The following KCNIP1 variants were observed in gnomAD, a reference collection of about 807,000 sequenced individuals.
The protein encoded by KCNIP1 is potassium voltage-gated channel interacting protein 1, also known as A-type potassium channel modulatory protein KCNIP1.
KCNIP1 carries 18 observed loss-of-function variants against 33.0 expected under a neutral mutation model. The observed-to-expected ratio is 0.55, with a 90% CI of 0.38 to 0.81. The LOEUF is 0.81. Among genes scored for constraint, KCNIP1 ranks in the 30% least tolerant of loss-of-function variants. The probability of loss-of-function intolerance (pLI) is 0.00; values close to 1 mark genes in which losing one functional copy is unlikely to be tolerated. For missense variants in KCNIP1, 238 were observed against 271.6 expected, an observed-to-expected ratio of 0.88 and a Z score of 0.87; for synonymous variants, 93 against 98.3, an observed-to-expected ratio of 0.95 and a Z score of 0.32.
chr5:170,629,780 A>G (rs1351660459), intron 1 of KCNIP1, among the ~76,000 whole-genome samples: 1 of 152,192 alleles, frequency 6.6e-6, no homozygotes, highest in Admixed American at 6.5e-5. Flanking sequence ...AAGGGCACCA[A>G]ATGCATGCCC....
At chr5:170,558,937 G>A (rs1561686380) in intron 1 of KCNIP1, among the ~76,000 whole-genome samples, 1 of 152,126 alleles carries the variant, frequency 6.6e-6, no homozygotes, top group Non-Finnish European at 1.5e-5. Context: ...ACCTCCCAGG[G>A]CCTCAGTTTC....
At chr5:170,390,046 C>T (rs1050836142) in intron 1 of KCNIP1, among the ~76,000 whole-genome samples, 2 of 152,162 alleles carry the variant, frequency 1.3e-5, no homozygotes, top group African/African-American at 4.8e-5. Flanking sequence ...CAACTGCTTC[C>T]AACCAGGTCC....
At chr5:170,530,946 G>A (rs144802260) in intron 1 of KCNIP1, among the ~76,000 whole-genome samples, 1 of 152,324 alleles carries the variant, frequency 6.6e-6, no homozygotes, top group Non-Finnish European at 1.5e-5. Flanking sequence ...CTCAAACATT[G>A]TTCTAGCTGG....
Position 170,682,224 on chromosome 5 carries a change from C to T in KCNIP1, c.62-36534C>T, listed in dbSNP as rs545710826. Among the ~76,000 whole-genome samples the T allele has an allele frequency of 2.6e-5, 4 of 152,288 alleles. No homozygotes were observed. In the South Asian group the frequency reaches 8.3e-4, roughly 32 times the overall value. Reference sequence around the variant, plus strand: ...TCCACTTTCTATCCATAATCTGTCTCGGTTTAATGTTGGTCAAGTCATTTT... The same window carrying T: ...TCCACTTTCTATCCATAATCTGTCTTGGTTTAATGTTGGTCAAGTCATTTT... On this transcript the variant is annotated intron_variant, in intron 1 of 7. Coordinates refer to ENST00000328939, the MANE Select transcript of KCNIP1 (RefSeq NM_014592.4).
upstream of KCNIP1, among the ~76,000 whole-genome samples, chr5:170,503,798 T>C (rs1754571488): frequency 6.9e-6 from 1 of 144,700 alleles, no homozygotes. Flanking sequence ...GCCAATCTAC[T>C]GCCCCCTGAA....
chr5:170,550,456 A>G (rs533874126), intron 1 of KCNIP1, among the ~76,000 whole-genome samples: 9 of 152,112 alleles, frequency 5.9e-5, no homozygotes, highest in Non-Finnish European at 7.4e-5. Flanking sequence ...GATGATGGCA[A>G]TGATGATGAT....
At chr5:170,675,170 G>A (rs1440054738) in intron 1 of KCNIP1, among the ~76,000 whole-genome samples, 1 of 151,836 alleles carries the variant, frequency 6.6e-6, no homozygotes, top group East Asian at 1.9e-4. Context: ...CTTGCTGCCT[G>A]CACCTGTAAT....
rs137872447 is a variant in KCNIP1 at position 170,541,860 on chromosome 5, A to G, written c.61+37227A>G. On this transcript the variant is annotated intron_variant, in intron 1 of 7. Transcript: ENST00000328939. ...CATCTACAAAAATGCGATAACACCT[A>G]CCTAGCAGAGTTCTTAGGAGATCCA... 6.6e-5 allele frequency among the ~76,000 whole-genome samples: 10 copies of G among 152,278 alleles called. 1 individual carries two copies. Among genetic ancestry groups the G allele is most frequent in the African/African-American group, 2.4e-4 (10 of 41,552 alleles).
chr5:170,400,610 C>T lies in KCNIP1; in HGVS notation c.88+46646C>T, dbSNP rs79003452. Among the ~76,000 whole-genome samples, 153 of 152,336 alleles carry T rather than the reference C, an allele frequency of 1.0e-3. 2 individuals are homozygous for T. In the East Asian group the frequency reaches 0.026, roughly 26 times the overall value. ...CTCAATTACTGATCACCAACATGTG[C>T]CAAGAACTGTGCTAAGTACTTGAAC... On this transcript the variant is annotated intron_variant, in intron 1 of 7. Transcript: ENST00000377360.
chr5:170,586,139 A>G (rs1000889323), intron 1 of KCNIP1, among the ~76,000 whole-genome samples: 1 of 152,352 alleles, frequency 6.6e-6, no homozygotes, highest in African/African-American at 2.4e-5. Flanking sequence ...CAATGTGATT[A>G]TGAGTGTAAA....
At chr5:170,695,145 T>A (rs1334222932) in intron 1 of KCNIP1, among the ~76,000 whole-genome samples, 1 of 152,068 alleles carries the variant, frequency 6.6e-6, no homozygotes, top group Non-Finnish European at 1.5e-5. Flanking sequence ...CACCTCCCGA[T>A]CCCCTTCTCT....
At chr5:170,458,492 C>G (rs895969447) in intron 1 of KCNIP1, among the ~76,000 whole-genome samples, 1 of 149,958 alleles carries the variant, frequency 6.7e-6, no homozygotes, top group East Asian at 2.0e-4. Context: ...AGATTAACAG[C>G]AGATTTCTCA....
At position 170,420,115 on chromosome 5, in the gene KCNIP1, T is replaced by C. The variant is rs1192620794; in HGVS notation, c.88+66151T>C. ...GAAAAAGGAACCAGGTAAAATCCAT[T>C]TTAATATGATATTTTATTTAACCCA... On this transcript the variant is annotated intron_variant, in intron 1 of 7. Coordinates refer to the KCNIP1 transcript ENST00000377360. 3.3e-5 allele frequency among the ~76,000 whole-genome samples: 5 copies of C among 152,296 alleles called. No individual in the cohort carries two copies. In the East Asian group the frequency reaches 9.6e-4, roughly 29 times the overall value.
At chr5:170,574,107 G>A (rs925521978) in intron 1 of KCNIP1, among the ~76,000 whole-genome samples, 9 of 152,168 alleles carry the variant, frequency 5.9e-5, no homozygotes, top group Non-Finnish European at 1.3e-4. Context: ...TAAAAATAGA[G>A]GAGGACTCAG....
At chr5:170,493,303 C>G (rs777952422) in intron 1 of KCNIP1, among the ~76,000 whole-genome samples, 3 of 152,184 alleles carry the variant, frequency 2.0e-5, no homozygotes, top group Non-Finnish European at 4.4e-5. Context: ...GCCCTTCTTC[C>G]TGGAGTAGTA....
At chr5:170,492,418 C>T (rs1021351727) in intron 1 of KCNIP1, among the ~76,000 whole-genome samples, 4 of 152,350 alleles carry the variant, frequency 2.6e-5, no homozygotes, top group South Asian at 4.1e-4. Context: ...CACTTGGACG[C>T]GTTCTCCAAC....
At chr5:170,431,429 G>C (rs1755738038) in intron 1 of KCNIP1, among the ~76,000 whole-genome samples, 1 of 152,220 alleles carries the variant, frequency 6.6e-6, no homozygotes, top group South Asian at 2.1e-4. Flanking sequence ...CCTTATGTGA[G>C]AATCTGGGGG....
intron 1 of KCNIP1, among the ~76,000 whole-genome samples, chr5:170,629,132 GCAT>G (rs1324005126): frequency 6.6e-6 from 1 of 152,122 alleles, no homozygotes. Context: ...CCTGACATAC[GCAT>G]CGATCTCATG....
rs372760628 is a variant in KCNIP1, at chr5:170,517,709, GGTA to G, written c.61+13082_61+13084del. On this transcript the variant is annotated intron_variant, in intron 1 of 7. Transcript: ENST00000328939. Reference sequence around the variant, plus strand: ...CGGTGGTGATGATGGTGATGGTGATGGTAGTAGTGATGGTGGTGATTATGGAGG... The same window carrying G: ...CGGTGGTGATGATGGTGATGGTGATGGTAGTGATGGTGGTGATTATGGAGG... 9.1e-4 allele frequency among the ~76,000 whole-genome samples: 138 copies of G among 151,698 alleles called. 2 individuals are homozygous for G. Among genetic ancestry groups the G allele is most frequent in the African/African-American group, 2.9e-3 (118 of 41,320 alleles).
Sources: gnomAD v4.1 joint callset for allele counts (sites outside exome capture counted in the v4.1 genomes callset) on GRCh38, gnomAD v4.1.1 for gene constraint, MANE v1.5 for transcripts, NCBI Gene and HGNC (gene_info 2026-07-23, HGNC 2026-07-21) for gene names.